EML1: variants seen among roughly 807,000 people sequenced by gnomAD.
EML1 encodes EMAP like 1.
Under a neutral mutation model 110.4 loss-of-function variants are expected in EML1, and 27 were observed. That is an observed-to-expected ratio of 0.24 (90% CI 0.18 to 0.34). The LOEUF (loss-of-function observed/expected upper bound fraction) is 0.34, where lower values mean the gene tolerates loss of function less well. EML1 is among the 10% of genes least tolerant of loss of function. The probability of loss-of-function intolerance (pLI) is 1.00; values close to 1 mark genes in which losing one functional copy is unlikely to be tolerated. For synonymous variants in EML1, 344 were observed against 385.8 expected, an observed-to-expected ratio of 0.89 and a Z score of 1.27; for missense variants, 741 against 1,030.9, an observed-to-expected ratio of 0.72 and a Z score of 3.85.
chr14:99,840,058 C>T (rs1217356967), intron 1 of EML1, among the ~76,000 whole-genome samples: 1 of 152,210 alleles, frequency 6.6e-6, no homozygotes, highest in Admixed American at 6.5e-5. Context: ...CTATTGGATA[C>T]TAATAGGATG....
chr14:99,881,349 G>A (rs989067565), intron 4 of EML1, among the ~76,000 whole-genome samples: 10 of 152,196 alleles, frequency 6.6e-5, no homozygotes, highest in African/African-American at 1.9e-4. Context: ...CAAAGCTGTC[G>A]TTAGCACATA....
chr14:99,898,159 A>G (rs2059702198), intron 7 of EML1, 74 bp from the exon 8 acceptor site: 1 of 1,268,250 alleles, frequency 7.9e-7, no homozygotes. Context: ...ATTTTTGACT[A>G]GATTATATTT....
chr14:99,745,101 C>G (rs1260672127), intron 1 of EML1, among the ~76,000 whole-genome samples: 2 of 152,090 alleles, frequency 1.3e-5, no homozygotes, highest in Non-Finnish European at 2.9e-5. Context: ...GACTCTTGCT[C>G]TGTCACCCAG....
At chr14:99,787,330 T>C (rs1325338365) in intron 1 of EML1, among the ~76,000 whole-genome samples, 1 of 139,546 alleles carries the variant, frequency 7.2e-6, no homozygotes, top group African/African-American at 2.7e-5. Flanking sequence ...TGGATTGCGG[T>C]GGGCACGATC....
intron 17 of EML1, among the ~76,000 whole-genome samples, chr14:99,932,021 G>A (rs916957449): frequency 4.6e-5 from 7 of 152,188 alleles, no homozygotes; most frequent in Non-Finnish European, 1.0e-4. Context: ...GCCACTGCCT[G>A]CATTTCCACA....
At chr14:99,769,317 T>G (rs1221041390), upstream of EML1, among the ~76,000 whole-genome samples, 1 of 152,194 alleles carries the variant, frequency 6.6e-6, no homozygotes, top group Non-Finnish European at 1.5e-5. Context: ...CAGGGAGCAC[T>G]GTTCCAAGGA....
chr14:99,936,514 C>T lies in EML1; in HGVS notation c.2095+180C>T, dbSNP rs1003488037. 6.6e-6 allele frequency among the ~76,000 whole-genome samples: 1 copy of T among 152,128 alleles called. No individual in the cohort carries two copies. The highest frequency in any genetic ancestry group is 1.5e-5 in the Non-Finnish European group (1 of 68,026). ...GGGCTGCGTGGCTTCTTGGGTCCTTCCCGGTTTCCTGCTGACTGTGAGCCC... is the reference window on the plus strand; with the variant it reads ...GGGCTGCGTGGCTTCTTGGGTCCTTTCCGGTTTCCTGCTGACTGTGAGCCC... On this transcript the variant is annotated intron_variant, in intron 19 of 21. Transcript: ENST00000262233. The surrounding 1 kb of genome is among the most constrained non-coding windows in gnomAD (Gnocchi z 5.5).
At chr14:99,760,782 TG>T (rs2057306764) in intron 1 of EML1, among the ~76,000 whole-genome samples, 1 of 152,124 alleles carries the variant, frequency 6.6e-6, no homozygotes, top group South Asian at 2.1e-4. Flanking sequence ...GTGGCACCAC[TG>T]GTCCCATCTT....
intron 17 of EML1, among the ~76,000 whole-genome samples, chr14:99,922,746 T>G (rs1338925979): frequency 1.3e-5 from 2 of 152,190 alleles, no homozygotes; most frequent in Admixed American, 6.5e-5. Flanking sequence ...CTATTGATAT[T>G]GAGCATTTTT....
chr14:99,793,271 C>T, upstream of EML1: 3 of 948,396 alleles, frequency 3.2e-6, no homozygotes, highest in Non-Finnish European at 3.8e-6. Flanking sequence ...CCGAGGCCGC[C>T]CCCTCGCGGG....
At chr14:99,877,246 T>C (rs1274166989) in intron 3 of EML1, among the ~76,000 whole-genome samples, 2 of 152,004 alleles carry the variant, frequency 1.3e-5, no homozygotes, top group Non-Finnish European at 2.9e-5. Flanking sequence ...CTAATTCCAC[T>C]CATGAGGGCT....
At chr14:99,737,982 T>C in intron 1 of EML1, 1 of 1,032,910 alleles carries the variant, frequency 9.7e-7, no homozygotes, top group South Asian at 1.5e-5. Context: ...CCCTTCCTCC[T>C]TGCCCGACGC....
chr14:99,897,634 A>G lies in EML1; in HGVS notation c.827+340A>G, dbSNP rs192601573. 5.3e-4 allele frequency among the ~76,000 whole-genome samples: 80 copies of G among 152,302 alleles called. 1 individual carries two copies. The highest frequency in any genetic ancestry group is 1.9e-3 in the African/African-American group (77 of 41,552). ...CCAACGCATGAGCTTCACGGACCACATTGTCTCAACAAACAGCGCCACCTC... is the reference window on the plus strand; with the variant it reads ...CCAACGCATGAGCTTCACGGACCACGTTGTCTCAACAAACAGCGCCACCTC... On this transcript the variant is annotated intron_variant, in intron 7 of 21. Transcript: ENST00000262233.
intron 10 of EML1, among the ~76,000 whole-genome samples, chr14:99,908,864 A>G (rs1276518603): frequency 6.6e-6 from 1 of 152,196 alleles, no homozygotes; most frequent in Non-Finnish European, 1.5e-5. Context: ...AATCCATTCC[A>G]GGGCCCTCCC....
intron 1 of EML1, among the ~76,000 whole-genome samples, chr14:99,808,532 A>G (rs1192294584): frequency 1.3e-5 from 2 of 152,180 alleles, no homozygotes; most frequent in African/African-American, 4.8e-5. Flanking sequence ...GATCACATAT[A>G]TTATATACGT....
rs757114826 is a variant in EML1 at position 99,939,970 on chromosome 14, C to T, written c.2323-17C>T. The T allele has an allele frequency of 9.1e-6, 14 of 1,541,832 alleles. No homozygotes were observed. The highest frequency in any genetic ancestry group is 1.7e-4 in the Middle Eastern group (1 of 5,746). On this transcript the variant is annotated splice_polypyrimidine_tract_variant and intron_variant, in intron 21 of 21. Coordinates refer to ENST00000262233, the MANE Select transcript of EML1 (RefSeq NM_004434.3). This position sits in a 1 kb window ranked among gnomAD's most constrained non-coding sequence, Gnocchi z 4.2. ...CCTTGTAGTAAAGGAAGCTTTCCCCCGTATCATTCCCTCCAGGCTCCAAGC... is the reference window on the plus strand; with the variant it reads ...CCTTGTAGTAAAGGAAGCTTTCCCCTGTATCATTCCCTCCAGGCTCCAAGC...
At chr14:99,917,707 G>C in intron 15 of EML1, 75 bp from the exon 16 acceptor site, 1 of 1,411,094 alleles carries the variant, frequency 7.1e-7, no homozygotes, top group Non-Finnish European at 1.0e-6. Flanking sequence ...GTGTGTGCAC[G>C]CACTCACGTG....
chr14:99,936,174 T>G lies in EML1; in HGVS notation c.2007+48T>G. ...TCGCTTCTCATGCACTGCGTATAGT[T>G]TAACTACCGTGGAACAGTGTTGGCA... is the stretch of plus-strand genomic sequence containing the variant. On this transcript the variant is annotated intron_variant, in intron 18 of 21. Coordinates refer to ENST00000262233, the MANE Select transcript of EML1 (RefSeq NM_004434.3). This position sits in a 1 kb window ranked among gnomAD's most constrained non-coding sequence, Gnocchi z 5.5. The G allele has an allele frequency of 6.2e-7, 1 of 1,612,972 alleles. No homozygotes were observed. The highest frequency in any genetic ancestry group is 1.1e-5 in the South Asian group (1 of 91,048).
chr14:99,857,865 T>C (rs1426827613), intron 2 of EML1, among the ~76,000 whole-genome samples: 2 of 152,240 alleles, frequency 1.3e-5, no homozygotes, highest in African/African-American at 4.8e-5. Context: ...AGTTCATTAA[T>C]GTCTTTTTCC....
Sources: allele counts gnomAD v4.1 joint callset (sites outside exome capture counted in the v4.1 genomes callset), GRCh38; gene constraint gnomAD v4.1.1; non-coding constraint Gnocchi (gnomAD v3.1); transcripts MANE v1.5; gene names NCBI Gene and HGNC (gene_info 2026-07-23, HGNC 2026-07-21).